The following TPT1 variants were observed in gnomAD, a reference collection of about 807,000 sequenced individuals.
The protein encoded by TPT1 is tumor protein, translationally-controlled 1.
A neutral mutation model predicts 22.8 loss-of-function variants in TPT1; 5 were observed. The observed-to-expected ratio is 0.22, with a 90% CI of 0.11 to 0.46. The LOEUF is 0.46. Among genes scored for constraint, TPT1 ranks in the 20% least tolerant of loss-of-function variants. The pLI is 0.99. For missense variants in TPT1, 130 were observed against 218.7 expected, an observed-to-expected ratio of 0.59 and a Z score of 2.56; for synonymous variants, 89 against 73.6, an observed-to-expected ratio of 1.21 and a Z score of -1.07.
At chr13:45,337,693 C>T in intron 5 of TPT1, 2 of 815,924 alleles carry the variant, frequency 2.5e-6, no homozygotes, top group Non-Finnish European at 4.1e-6. Context: ...CAACAAAAAC[C>T]TCAGATACTG....
Sources: gnomAD v4.1 joint callset for allele counts on GRCh38, gnomAD v4.1.1 for gene constraint, MANE v1.5 for transcripts, NCBI Gene and HGNC (gene_info 2026-07-23, HGNC 2026-07-21) for gene names.